The following ARHGAP44 variants were observed in gnomAD, a reference collection of about 807,000 sequenced individuals.
The protein encoded by ARHGAP44 is rho GTPase-activating protein 44.
Under a neutral mutation model 106.8 loss-of-function variants are expected in ARHGAP44, and 43 were observed. The ratio of observed to expected loss-of-function variants is 0.40; its 90% CI spans 0.32 to 0.52. The LOEUF (loss-of-function observed/expected upper bound fraction) is 0.52. Among genes scored for constraint, ARHGAP44 ranks in the 20% least tolerant of loss-of-function variants. The pLI is 0.48. For synonymous variants in ARHGAP44, 439 were observed against 410.3 expected, an observed-to-expected ratio of 1.07 and a Z score of -0.85; for missense variants, 866 against 1,050.5, an observed-to-expected ratio of 0.82 and a Z score of 2.43.
At chr17:12,889,608 C>T (rs567049134) in intron 1 of ARHGAP44, among the ~76,000 whole-genome samples, 1 of 152,266 alleles carries the variant, frequency 6.6e-6, no homozygotes, top group South Asian at 2.1e-4. Context: ...AGCATTCTGC[C>T]TCTGACCCCC....
At chr17:12,986,138 G>A (rs571135078) in intron 20 of ARHGAP44, 3 of 152,194 alleles carry the variant, frequency 2.0e-5, no homozygotes, top group South Asian at 4.2e-4. Context: ...CTGGTGATTC[G>A]GCTTCTTTAT....
intron 8 of ARHGAP44, among the ~76,000 whole-genome samples, chr17:12,942,143 A>T (rs535353643): frequency 1.1e-4 from 16 of 149,450 alleles, no homozygotes; most frequent in South Asian, 6.4e-4. Context: ...TTAATTAATT[A>T]ATTTATTTAT....
chr17:12,946,002 G>A (rs998811726), intron 10 of ARHGAP44, among the ~76,000 whole-genome samples: 3 of 152,030 alleles, frequency 2.0e-5, no homozygotes, highest in African/African-American at 4.8e-5. Context: ...CAGGTAATCC[G>A]TCCACCTCGG....
At position 12,949,073 on chromosome 17, in the gene ARHGAP44, C is replaced by T. The variant is rs113126954; in HGVS notation, c.862-67C>T. Reference sequence around the variant, plus strand: ...TTTGGAGAAAAGAAGCAGGCAGTTGCGGGGTCTCTGCGCTTTGATGTTGTA... The same window carrying T: ...TTTGGAGAAAAGAAGCAGGCAGTTGTGGGGTCTCTGCGCTTTGATGTTGTA... On this transcript the variant is annotated intron_variant, in intron 10 of 20. Transcript: ENST00000379672. The surrounding 1 kb of genome is among the most constrained non-coding windows in gnomAD (Gnocchi z 4.1). The T allele has an allele frequency of 1.7e-3, 2,483 of 1,425,608 alleles. 36 individuals carry two copies. The African/African-American group carries it at 0.031, about 18-fold the overall frequency. The allele number at this position is 1,425,608 out of a possible 1,614,324, so 88.3% of individuals were successfully genotyped here.
Position 12,958,595 on chromosome 17 carries a change from A to G in ARHGAP44, c.1343-122A>G. 2.2e-6 allele frequency: 2 copies of G among 928,264 alleles called. No individual in the cohort carries two copies. The highest frequency in any genetic ancestry group is 3.3e-6 in the Non-Finnish European group (2 of 613,608). 57.5% of individuals were successfully genotyped at this position (928,264 alleles called of 1,614,324 possible). A position where few individuals can be genotyped will look rare whatever the true frequency, so the allele number is the denominator to read the frequency against. Reference sequence around the variant, plus strand: ...ATGCATTATATTAATAAGGTGAACCATGGGATGAAATTTTCTAGGGATGAC... The same window carrying G: ...ATGCATTATATTAATAAGGTGAACCGTGGGATGAAATTTTCTAGGGATGAC... On this transcript the variant is annotated intron_variant, in intron 15 of 20. Transcript: ENST00000379672. The surrounding 1 kb of genome is among the most constrained non-coding windows in gnomAD (Gnocchi z 4.1).
chr17:12,964,668 C>T (rs1337164903), intron 16 of ARHGAP44, among the ~76,000 whole-genome samples: 1 of 152,132 alleles, frequency 6.6e-6, no homozygotes, highest in Non-Finnish European at 1.5e-5. Flanking sequence ...CCTATAATCC[C>T]AGTTACTCGG....
chr17:12,990,112 C>T lies in ARHGAP44; in HGVS notation c.2398C>T (p.Arg800Ter), dbSNP rs1567729845. 1 of 1,613,666 alleles carries T rather than the reference C, an allele frequency of 6.2e-7. No individual in the cohort carries two copies. Among genetic ancestry groups the T allele is most frequent in the Non-Finnish European group, 8.5e-7 (1 of 1,179,690 alleles). ...CCTGAGTCCCCTGGAGCACATGCGG[C>T]GACACTCAGTAACTGACAAGAGGGA... ...LRLSPLEHMRRHSVTDKRDSE... is the reference protein window; with the variant it reads ...LRLSPLEHMR The change falls in exon 21 of 21, where the codon CGA (arginine) becomes TGA (stop). Residue 800 changes from arginine (R) to a stop codon, truncating the protein, a stop_gained. Transcript: ENST00000379672. LOFTEE classifies it high-confidence loss of function.
chr17:12,887,911 A>C (rs186463953), intron 1 of ARHGAP44, among the ~76,000 whole-genome samples: 1 of 150,948 alleles, frequency 6.6e-6, no homozygotes, highest in African/African-American at 2.4e-5. Context: ...TAAGTTGTCA[A>C]ATTTGTGTGT....
At chr17:12,975,362 T>C (rs1040528017) in intron 18 of ARHGAP44, among the ~76,000 whole-genome samples, 1 of 152,084 alleles carries the variant, frequency 6.6e-6, no homozygotes, top group African/African-American at 2.4e-5. Flanking sequence ...AGGGAATGAA[T>C]GGAGGTGGCG....
chr17:12,983,219 C>T (rs925741259), intron 19 of ARHGAP44, among the ~76,000 whole-genome samples: 4 of 144,148 alleles, frequency 2.8e-5, no homozygotes, highest in Admixed American at 7.2e-5. Flanking sequence ...GAGCCGAGAT[C>T]GCGCCACTGC....
intron 1 of ARHGAP44, among the ~76,000 whole-genome samples, chr17:12,866,823 G>A (rs535999153): frequency 6.6e-6 from 1 of 152,276 alleles, no homozygotes; most frequent in Admixed American, 6.5e-5. Context: ...CAGTGTTTGT[G>A]CAGGTCTGTC....
chr17:12,844,917 G>A (rs1368556287), intron 1 of ARHGAP44, among the ~76,000 whole-genome samples: 1 of 152,172 alleles, frequency 6.6e-6, no homozygotes, highest in East Asian at 1.9e-4. Context: ...GAACTGACGT[G>A]TACTTTTATA....
At chr17:12,864,283 A>G (rs760028466) in intron 1 of ARHGAP44, among the ~76,000 whole-genome samples, 4 of 151,862 alleles carry the variant, frequency 2.6e-5, no homozygotes. Flanking sequence ...TGTGTGTATG[A>G]TTTTTCTTTT....
At chr17:12,903,125 A>AGAGAGG (rs1567677724) in intron 3 of ARHGAP44, among the ~76,000 whole-genome samples, 13 of 72,694 alleles carry the variant, frequency 1.8e-4, no homozygotes, top group East Asian at 7.1e-4. Flanking sequence ...AGAGAGAGAG[A>AGAGAGG]GGAGAGAGAG....
chr17:12,853,597 C>A (rs760360605), intron 1 of ARHGAP44, among the ~76,000 whole-genome samples: 1 of 152,162 alleles, frequency 6.6e-6, no homozygotes, highest in Non-Finnish European at 1.5e-5. Flanking sequence ...AGGAGCGAGG[C>A]GTCCTATCAG....
intron 7 of ARHGAP44, among the ~76,000 whole-genome samples, chr17:12,931,176 A>G (rs2038386819): frequency 1.3e-5 from 2 of 151,804 alleles, no homozygotes; most frequent in Non-Finnish European, 2.9e-5. Flanking sequence ...GGTTCAAGCA[A>G]TTCTTATGCC....
intron 4 of ARHGAP44, among the ~76,000 whole-genome samples, chr17:12,911,049 C>A (rs1275487418): frequency 2.5e-4 from 32 of 128,616 alleles, no homozygotes; most frequent in East Asian, 6.9e-4. Context: ...AAAAAGTAAC[C>A]AAAAAAAAAA....
chr17:12,968,377 A>T (rs2039442436), intron 16 of ARHGAP44, among the ~76,000 whole-genome samples: 1 of 152,180 alleles, frequency 6.6e-6, no homozygotes, highest in Non-Finnish European at 1.5e-5. Context: ...AGGACGTGGA[A>T]AACCCTGTGT....
Position 12,871,606 on chromosome 17 carries a change from G to T in ARHGAP44, c.54-23334G>T, listed in dbSNP as rs548395597. ...TCACTGTCTTGAGAACAACAAGGGG[G>T]AAATCCACTCCCATGATCCAGTCAC... On this transcript the variant is annotated intron_variant, in intron 1 of 20. Coordinates refer to ENST00000379672, the MANE Select transcript of ARHGAP44 (RefSeq NM_014859.6). Among the ~76,000 whole-genome samples, 6 of 151,968 alleles carry T rather than the reference G, an allele frequency of 3.9e-5. No individual in the cohort carries two copies. In the South Asian group the frequency reaches 6.3e-4, roughly 16 times the overall value.
Sources: allele counts gnomAD v4.1 joint callset (sites outside exome capture counted in the v4.1 genomes callset), GRCh38; gene constraint gnomAD v4.1.1; non-coding constraint Gnocchi (gnomAD v3.1); transcripts MANE v1.5; gene names NCBI Gene and HGNC (gene_info 2026-07-23, HGNC 2026-07-21).